DIP2C: variants seen among roughly 807,000 people sequenced by gnomAD.
DIP2C encodes the protein disco-interacting protein 2 homolog C.
In DIP2C, 33 loss-of-function variants were observed where a neutral mutation model predicts 192.4. That is an observed-to-expected ratio of 0.17 (90% CI 0.13 to 0.23). The LOEUF (loss-of-function observed/expected upper bound fraction) is 0.23. Ranked by LOEUF, DIP2C falls within the 10% of genes least tolerant of loss-of-function variation. The pLI is 1.00. For missense variants in DIP2C, 1,537 were observed against 2,110.1 expected (o/e 0.73, Z 5.32); for synonymous variants, 979 against 864.1 (o/e 1.13, Z -2.33).
At chr10:600,991 C>T (rs756810584) in intron 1 of DIP2C, among the ~76,000 whole-genome samples, 1 of 152,158 alleles carries the variant, frequency 6.6e-6, no homozygotes, top group Non-Finnish European at 1.5e-5. Flanking sequence ...CCAGCCTTGC[C>T]AAGACTCATG....
chr10:636,834 A>G lies in DIP2C; in HGVS notation c.85+52660T>C, dbSNP rs910888629. Among the ~76,000 whole-genome samples the G allele has an allele frequency of 2.0e-5, 3 of 152,168 alleles. No homozygotes were observed. The highest frequency in any genetic ancestry group is 6.5e-5 in the Admixed American group (1 of 15,278). On this transcript the variant is annotated intron_variant, in intron 1 of 36. Transcript: ENST00000280886. This position sits in a 1 kb window ranked among gnomAD's most constrained non-coding sequence, Gnocchi z 4.6. ...CAGTTCCCTGTAAACAGGAAGTTTC[A>G]GTCTCGAGGCGCAATCACCTTCCGT... is the stretch of plus-strand genomic sequence containing the variant.
intron 31 of DIP2C, among the ~76,000 whole-genome samples, chr10:320,928 C>T (rs534279120): frequency 5.3e-4 from 80 of 152,288 alleles, no homozygotes; most frequent in African/African-American, 1.8e-3. Context: ...TGACAGAGTT[C>T]GAGAAGGCCC....
intron 1 of DIP2C, among the ~76,000 whole-genome samples, chr10:670,192 A>G (rs985355379): frequency 6.6e-5 from 10 of 152,152 alleles, no homozygotes; most frequent in South Asian, 2.1e-4. Flanking sequence ...ACGTGTGTAC[A>G]TGTGTGCACA....
At chr10:512,639 G>C (rs547078109) in intron 1 of DIP2C, among the ~76,000 whole-genome samples, 10 of 152,084 alleles carry the variant, frequency 6.6e-5, no homozygotes, top group African/African-American at 2.2e-4. Context: ...GAGCTGGCCG[G>C]GCAGTGGCTC....
At chr10:559,298 A>C (rs1356116753) in intron 1 of DIP2C, among the ~76,000 whole-genome samples, 3 of 149,074 alleles carry the variant, frequency 2.0e-5, no homozygotes, top group Non-Finnish European at 2.9e-5. Flanking sequence ...CTCGGCCTGG[A>C]ACAGCTGGTG....
chr10:511,763 C>G (rs904388775), intron 1 of DIP2C, among the ~76,000 whole-genome samples: 4 of 152,198 alleles, frequency 2.6e-5, no homozygotes, highest in South Asian at 4.1e-4. Context: ...TAGAGAGAGA[C>G]ACAGACACAC....
rs748503254 is a variant in DIP2C at position 384,612 on chromosome 10, T to C, written c.1690A>G (p.Ser564Gly). The change falls in exon 15 of 37, where the codon AGC becomes GGC. Residue 564 changes from serine (S) to glycine (G), a missense_variant. Transcript: ENST00000280886. ...ACCTTCATCAGCGAGTACGGGATGC[T>C]GATCACATGCATCATGTTCATGACG... ...TSVMNMMHVI[S>G]IPYSLMKVNP... is the part of the protein sequence containing the mutation. 3.5e-5 allele frequency: 56 copies of C among 1,613,928 alleles called. No homozygotes were observed. Among genetic ancestry groups the C allele is most frequent in the Non-Finnish European group, 4.4e-5 (52 of 1,180,038 alleles).
In DIP2C at chr10:390,383, AAAC is replaced by A. The variant is rs752945020; in HGVS notation, c.1385-13_1385-11del. 111 of 1,612,172 alleles carry A rather than the reference AAAC, an allele frequency of 6.9e-5. No individual in the cohort carries two copies. Among genetic ancestry groups the A allele is most frequent in the Middle Eastern group, 1.7e-4 (1 of 6,060 alleles). On this transcript the variant is annotated splice_polypyrimidine_tract_variant and intron_variant, in intron 11 of 36. Transcript: ENST00000280886. Reference sequence around the variant, plus strand: ...AGCAGCTTTGGCCAACCTTGGAAATAAACAACAAGTTCCTTTTAAATGTTACTC... The same window carrying A: ...AGCAGCTTTGGCCAACCTTGGAAATAAACAAGTTCCTTTTAAATGTTACTC...
chr10:463,898 T>TA (rs1272570034), intron 3 of DIP2C, among the ~76,000 whole-genome samples: 2 of 152,026 alleles, frequency 1.3e-5, no homozygotes, highest in Non-Finnish European at 2.9e-5. Context: ...ATGGGGAAAT[T>TA]ATTCCCTATT....
rs542453659 is a variant in DIP2C, at chr10:376,439, G to A, written c.1991+6208C>T. 8.5e-5 allele frequency among the ~76,000 whole-genome samples: 13 copies of A among 152,296 alleles called. No homozygotes were observed. The South Asian group carries it at 2.3e-3, about 27-fold the overall frequency. On this transcript the variant is annotated intron_variant, in intron 17 of 36. Coordinates refer to ENST00000280886, the MANE Select transcript of DIP2C (RefSeq NM_014974.3). Reference sequence around the variant, plus strand: ...AGCACCTGCACAACGTTGCTTCTTTGGGAACACGCATTCCGGTTCCAGACA... The same window carrying A: ...AGCACCTGCACAACGTTGCTTCTTTAGGAACACGCATTCCGGTTCCAGACA...
At chr10:346,762 C>A (rs1213795158) in intron 26 of DIP2C, among the ~76,000 whole-genome samples, 2 of 124,898 alleles carry the variant, frequency 1.6e-5, no homozygotes, top group African/African-American at 6.9e-5. Context: ...ATAGTTCTCC[C>A]GGAAACGTCA....
chr10:581,180 C>T (rs868018955), intron 1 of DIP2C, among the ~76,000 whole-genome samples: 21 of 151,628 alleles, frequency 1.4e-4, no homozygotes, highest in African/African-American at 2.2e-4. Context: ...GCCACTTAGA[C>T]GCTTTCTGAT....
intron 1 of DIP2C, among the ~76,000 whole-genome samples, chr10:557,446 C>G (rs1848937686): frequency 6.6e-6 from 1 of 151,494 alleles, no homozygotes; most frequent in African/African-American, 2.4e-5. Flanking sequence ...CAGCAACAGA[C>G]AGTGGATGCA....
chr10:383,292 G>T lies in DIP2C; in HGVS notation c.1877-531C>A, dbSNP rs139815384. Among the ~76,000 whole-genome samples the T allele has an allele frequency of 1.1e-4, 16 of 152,314 alleles. No homozygotes were observed. In the East Asian group the frequency reaches 3.1e-3, roughly 29 times the overall value. On this transcript the variant is annotated intron_variant, in intron 16 of 36. Coordinates refer to ENST00000280886, the MANE Select transcript of DIP2C (RefSeq NM_014974.3). ...GACTGTTTATAAAACCTGTTTATGA[G>T]TCTGCTTTTGTATATCAGGCATTAA...
intron 1 of DIP2C, among the ~76,000 whole-genome samples, chr10:679,104 C>G (rs1415421666): frequency 3.7e-5 from 1 of 27,346 alleles, no homozygotes; most frequent in African/African-American, 1.0e-4. Flanking sequence ...GCACCCATCT[C>G]TGCTCCCCAC....
rs117540160 is a variant in DIP2C at position 425,701 on chromosome 10, A to C, written c.395-2668T>G. 5.8e-3 allele frequency among the ~76,000 whole-genome samples: 889 copies of C among 152,222 alleles called. 3 individuals are homozygous for C. The highest frequency in any genetic ancestry group is 0.013 in the East Asian group (69 of 5,180). On this transcript the variant is annotated intron_variant, in intron 4 of 36. Coordinates refer to ENST00000280886, the MANE Select transcript of DIP2C (RefSeq NM_014974.3). ...GCATGACCAGCGGTGACTAGAAGTA[A>C]ATACCAGAGCGACAGGAATTCAGGT...
intron 1 of DIP2C, among the ~76,000 whole-genome samples, chr10:597,670 G>T (rs770651030): frequency 8.5e-5 from 13 of 152,334 alleles, no homozygotes; most frequent in South Asian, 6.2e-4. Context: ...TAATACGTAA[G>T]AAATCATAAA....
At chr10:354,973 C>A (rs915333682) in intron 24 of DIP2C, among the ~76,000 whole-genome samples, 1 of 151,742 alleles carries the variant, frequency 6.6e-6, no homozygotes, top group East Asian at 1.9e-4. Context: ...ACCTGGCGAT[C>A]GGGTTAGCAA....
intron 3 of DIP2C, among the ~76,000 whole-genome samples, chr10:448,611 A>G (rs531111655): frequency 4.3e-4 from 42 of 97,044 alleles, no homozygotes; most frequent in African/African-American, 1.3e-3. Context: ...AGCAGGACCC[A>G]CTCACTCCCG....
Sources: gnomAD v4.1 joint callset for allele counts (sites outside exome capture counted in the v4.1 genomes callset) on GRCh38, gnomAD v4.1.1 for gene constraint, Gnocchi (gnomAD v3.1) non-coding constraint, MANE v1.5 for transcripts, NCBI Gene and HGNC (gene_info 2026-07-23, HGNC 2026-07-21) for gene names.